The following SPATA6 variants were observed in gnomAD, a reference collection of about 807,000 sequenced individuals.
The protein encoded by SPATA6 is spermatogenesis-associated protein 6.
Under a neutral mutation model 65.3 loss-of-function variants are expected in SPATA6, and 56 were observed. The observed-to-expected ratio is 0.86, with a 90% CI of 0.69 to 1.07. The LOEUF is 1.07. Among genes scored for constraint, SPATA6 ranks in the 50% least tolerant of loss-of-function variants. The probability of loss-of-function intolerance (pLI) is 0.00; values close to 1 mark genes in which losing one functional copy is unlikely to be tolerated. For synonymous variants in SPATA6, 199 were observed against 213.2 expected (o/e 0.93, Z 0.58); for missense variants, 590 against 594.8 (o/e 0.99, Z 0.08).
intron 1 of SPATA6, among the ~76,000 whole-genome samples, chr1:48,468,472 G>A (rs76895964): frequency 0.018 from 2,704 of 152,234 alleles, 78 homozygotes; most frequent in African/African-American, 0.062. Context: ...ACTGTACAAA[G>A]TGATGTTTTG....
chr1:48,451,630 G>C, intron 2 of SPATA6, 30 bp from the exon 3 acceptor site: 1 of 1,589,620 alleles, frequency 6.3e-7, no homozygotes, highest in South Asian at 1.2e-5. Flanking sequence ...GGAGAGGCAG[G>C]AAGGAAGATA....
chr1:48,313,597 A>G (rs573258231), intron 11 of SPATA6, among the ~76,000 whole-genome samples: 5 of 152,350 alleles, frequency 3.3e-5, no homozygotes, highest in African/African-American at 1.2e-4. Flanking sequence ...AACATGCCAA[A>G]TTGTAACGAC....
At chr1:48,369,764 G>A (rs891087258) in intron 9 of SPATA6, among the ~76,000 whole-genome samples, 3 of 152,294 alleles carry the variant, frequency 2.0e-5, no homozygotes, top group East Asian at 3.9e-4. Flanking sequence ...TTTGGCTTGC[G>A]CATGGTGCAC....
At chr1:48,265,783 A>G in the SPATA6 span, among the ~76,000 whole-genome samples, 9 of 152,156 alleles carry the variant, frequency 5.9e-5, no homozygotes, top group Non-Finnish European at 8.8e-5. Context: ...AGTGATTCTG[A>G]TCAGTTAGGA....
intron 3 of SPATA6, among the ~76,000 whole-genome samples, chr1:48,435,270 G>A (rs1378957955): frequency 6.6e-6 from 1 of 152,146 alleles, no homozygotes; most frequent in Non-Finnish European, 1.5e-5. Context: ...TCTAACTAAA[G>A]GATTGTAAAT....
At chr1:48,305,678 T>A in intron 12 of SPATA6, 109 bp downstream of exon 12, 1 of 776,736 alleles carries the variant, frequency 1.3e-6, no homozygotes, top group Non-Finnish European at 1.9e-6. Context: ...CAGTTAGAAA[T>A]AAATACTAAT....
At position 48,434,697 on chromosome 1, in the gene SPATA6, G is replaced by GGT. The variant is rs150440127; in HGVS notation, c.238+16853_238+16854dup. Reference sequence around the variant, plus strand: ...AGAACATCTGTGGTGCACTTACGGGGGTGTGTGTGTGTGTGTGTCTGTAGA... The same window carrying GGT: ...AGAACATCTGTGGTGCACTTACGGGGGTGTGTGTGTGTGTGTGTGTCTGTAGA... On this transcript the variant is annotated intron_variant, in intron 3 of 12. Transcript: ENST00000371847. Among the ~76,000 whole-genome samples the GGT allele has an allele frequency of 9.3e-3, 1,406 of 150,836 alleles. 26 individuals carry two copies. Among genetic ancestry groups the GGT allele is most frequent in the South Asian group, 0.051 (245 of 4,772 alleles).
rs141776799 is a variant in SPATA6 at position 48,311,296 on chromosome 1, T to C, written c.1195-5418A>G. ...TGCTTCTTTGAAACCATAAAACATT[T>C]GACAATGTTTTAGTTAGACCAAGGC... On this transcript the variant is annotated intron_variant, in intron 11 of 12. Transcript: ENST00000371847. Among the ~76,000 whole-genome samples, 694 of 152,198 alleles carry C rather than the reference T, an allele frequency of 4.6e-3. 4 individuals carry two copies. The highest frequency in any genetic ancestry group is 0.015 in the African/African-American group (620 of 41,544).
chr1:48,449,191 G>A (rs1429784761), intron 3 of SPATA6, among the ~76,000 whole-genome samples: 4 of 152,062 alleles, frequency 2.6e-5, no homozygotes, highest in East Asian at 1.9e-4. Flanking sequence ...ACAAAAGAAT[G>A]ACAATATTAG....
At chr1:48,277,009 C>A in the SPATA6 span, among the ~76,000 whole-genome samples, 516 of 151,156 alleles carry the variant, frequency 3.4e-3, 4 homozygotes, top group African/African-American at 0.012. Context: ...TCTCGGTGCT[C>A]CTTTATTGGG....
In SPATA6 at chr1:48,463,455, A is replaced by G. The variant is rs1358063990; in HGVS notation, c.51+8503T>C. 2.0e-5 allele frequency among the ~76,000 whole-genome samples: 3 copies of G among 152,340 alleles called. No homozygotes were observed. The East Asian group carries it at 5.8e-4, about 29-fold the overall frequency. On this transcript the variant is annotated intron_variant, in intron 1 of 12. Coordinates refer to ENST00000371847, the MANE Select transcript of SPATA6 (RefSeq NM_019073.4). ...TAGTTCATAAGCTAAAGTAGAAATC[A>G]TAATAAAAATTATAAAATATTTAGA...
intron 8 of SPATA6, 76 bp from the exon 9 acceptor site, chr1:48,385,425 A>G: frequency 7.8e-7 from 1 of 1,284,498 alleles, no homozygotes; most frequent in Non-Finnish European, 1.1e-6. Context: ...CATTGTTTCT[A>G]CAATTATAAT....
At chr1:48,363,006 CA>C (rs755324649) in intron 9 of SPATA6, among the ~76,000 whole-genome samples, 3 of 151,588 alleles carry the variant, frequency 2.0e-5, no homozygotes, top group Non-Finnish European at 4.4e-5. Context: ...CAGGAGAACT[CA>C]AAAAAAGTTA....
chr1:48,377,333 A>G (rs1648036618), intron 9 of SPATA6, among the ~76,000 whole-genome samples: 1 of 152,148 alleles, frequency 6.6e-6, no homozygotes, highest in South Asian at 2.1e-4. Flanking sequence ...TACAGGCTCA[A>G]TTTACACCAT....
chr1:48,463,789 G>A (rs990687195), intron 1 of SPATA6, among the ~76,000 whole-genome samples: 4 of 151,988 alleles, frequency 2.6e-5, no homozygotes, highest in Admixed American at 2.6e-4. Flanking sequence ...GTGAAAAAAA[G>A]TAGTTGACTC....
At chr1:48,348,109 G>A (rs72893221) in intron 11 of SPATA6, among the ~76,000 whole-genome samples, 4,676 of 151,786 alleles carry the variant, frequency 0.031, 217 homozygotes, top group African/African-American at 0.11. Context: ...TAGCTTTTGC[G>A]GGCAGTGGGC....
At chr1:48,415,418 GTTTTTGGTTTTTGTTTTTGTTT>G (rs985094036) in intron 3 of SPATA6, among the ~76,000 whole-genome samples, 1 of 151,986 alleles carries the variant, frequency 6.6e-6, no homozygotes, top group Non-Finnish European at 1.5e-5. Context: ...GTTTTTTGGT[GTTTTTGGTTTTTGTTTTTGTTT>G]TTAACACAGA....
chr1:48,314,108 C>T (rs1453061570), intron 11 of SPATA6, among the ~76,000 whole-genome samples: 1 of 152,126 alleles, frequency 6.6e-6, no homozygotes, highest in Non-Finnish European at 1.5e-5. Flanking sequence ...TTTGACACCC[C>T]ACTGTCAACA....
At chr1:48,448,770 GA>G (rs1285929070) in intron 3 of SPATA6, among the ~76,000 whole-genome samples, 1 of 152,134 alleles carries the variant, frequency 6.6e-6, no homozygotes, top group Non-Finnish European at 1.5e-5. Flanking sequence ...TACTCTAAAT[GA>G]AAAGAAGCCA....
Sources: allele counts gnomAD v4.1 joint callset (sites outside exome capture counted in the v4.1 genomes callset), GRCh38; gene constraint gnomAD v4.1.1; transcripts MANE v1.5; gene names NCBI Gene and HGNC (gene_info 2026-07-23, HGNC 2026-07-21).